The following ASXL3 variants were observed in gnomAD, a reference collection of about 807,000 sequenced individuals.
ASXL3 encodes ASXL transcriptional regulator 3, also known as putative Polycomb group protein ASXL3.
In ASXL3, 34 loss-of-function variants were observed where a neutral mutation model predicts 170.6. That is an observed-to-expected ratio of 0.20 (90% CI 0.15 to 0.27). ASXL3 has a LOEUF of 0.27. Ranked by LOEUF, ASXL3 falls within the 10% of genes least tolerant of loss-of-function variation. The probability of loss-of-function intolerance (pLI) is 1.00; values close to 1 mark genes in which losing one functional copy is unlikely to be tolerated. For synonymous variants in ASXL3, 1,002 were observed against 989.1 expected, an observed-to-expected ratio of 1.01 and a Z score of -0.24; for missense variants, 2,592 against 2,695.3, an observed-to-expected ratio of 0.96 and a Z score of 0.85.
At chr18:33,649,872 T>A (rs1397690517) in intron 4 of ASXL3, among the ~76,000 whole-genome samples, 1 of 152,028 alleles carries the variant, frequency 6.6e-6, no homozygotes, top group East Asian at 1.9e-4. Flanking sequence ...TAGGATACTA[T>A]TATGGGATGT....
intron 4 of ASXL3, among the ~76,000 whole-genome samples, chr18:33,657,844 C>T (rs2145225318): frequency 6.6e-6 from 1 of 152,110 alleles, no homozygotes; most frequent in South Asian, 2.1e-4. Flanking sequence ...GGCAGGCAAG[C>T]AAAATGTAGA....
intron 8 of ASXL3, among the ~76,000 whole-genome samples, chr18:33,702,232 A>C (rs1201494420): frequency 6.6e-6 from 1 of 151,890 alleles, no homozygotes; most frequent in Non-Finnish European, 1.5e-5. Flanking sequence ...TTCTTGTCTG[A>C]TTGTTTTCTA....
chr18:33,633,310 C>A (rs2065708188), intron 2 of ASXL3, among the ~76,000 whole-genome samples: 1 of 151,994 alleles, frequency 6.6e-6, no homozygotes, highest in Admixed American at 6.6e-5. Context: ...GCACTTTTTT[C>A]ATGGATGAAA....
intron 1 of ASXL3, among the ~76,000 whole-genome samples, chr18:33,581,123 CTT>C (rs2064988121): frequency 6.6e-6 from 1 of 151,900 alleles, no homozygotes; most frequent in African/African-American, 2.4e-5. Flanking sequence ...CTTGAATTCT[CTT>C]CTAAACTTGC....
intron 1 of ASXL3, among the ~76,000 whole-genome samples, chr18:33,606,121 A>T (rs2065245436): frequency 6.6e-6 from 1 of 151,524 alleles, no homozygotes; most frequent in Non-Finnish European, 1.5e-5. Flanking sequence ...CAGCTCTATT[A>T]TGCAGTTTCC....
At chr18:33,621,416 T>C (rs2145153065) in intron 2 of ASXL3, among the ~76,000 whole-genome samples, 1 of 152,306 alleles carries the variant, frequency 6.6e-6, no homozygotes, top group South Asian at 2.1e-4. Flanking sequence ...TTCAGTGGGT[T>C]TGGCCATTGA....
At chr18:33,580,945 A>G (rs2064986235) in intron 1 of ASXL3, among the ~76,000 whole-genome samples, 1 of 152,216 alleles carries the variant, frequency 6.6e-6, no homozygotes, top group South Asian at 2.1e-4. Context: ...TACTGGAAAT[A>G]TAATTTTCAG....
At chr18:33,700,296 T>C (rs1177147648) in intron 8 of ASXL3, among the ~76,000 whole-genome samples, 1 of 151,926 alleles carries the variant, frequency 6.6e-6, no homozygotes, top group Non-Finnish European at 1.5e-5. Flanking sequence ...GAATAGGTGG[T>C]TATTGAGGCA....
chr18:33,721,516 T>G, intron 8 of ASXL3, among the ~76,000 whole-genome samples: 1 of 152,150 alleles, frequency 6.6e-6, no homozygotes, highest in Non-Finnish European at 1.5e-5. Context: ...CATACACATA[T>G]CACAAAAGCA....
rs753443864 is a variant in ASXL3 at position 33,746,423 on chromosome 18, A to G, written c.6575A>G (p.Asn2192Ser). The change falls in exon 12 of 12, where the codon AAC becomes AGC. Residue 2192 changes from asparagine (N) to serine (S), a missense_variant. By Grantham distance (46) the Asn-to-Ser change is conservative (BLOSUM62 1). Around this residue, in one of 4 missense-constraint regions of ASXL3, gnomAD observed 2,246 missense variants for 2,219.6 expected, o/e 1.01. Coordinates refer to ENST00000269197, the MANE Select transcript of ASXL3 (RefSeq NM_030632.3). The part of the protein sequence containing the change: ...SNPATGLSGQ[N>S]AQMPVQNFAD... ...CCTGCCACAGGCTTGTCTGGTCAGA[A>G]CGCTCAGATGCCCGTTCAGAACTTT... The G allele has an allele frequency of 6.2e-7, 1 of 1,614,008 alleles. No homozygotes were observed. Among genetic ancestry groups the G allele is most frequent in the South Asian group, 1.1e-5 (1 of 91,080 alleles).
chr18:33,703,584 C>T (rs1367234198), intron 8 of ASXL3, among the ~76,000 whole-genome samples: 4 of 152,098 alleles, frequency 2.6e-5, no homozygotes, highest in African/African-American at 9.7e-5. Context: ...AGAAATGCTG[C>T]GGACCTGCCT....
chr18:33,690,615 A>T (rs62092395), intron 8 of ASXL3, among the ~76,000 whole-genome samples: 2,037 of 152,222 alleles, frequency 0.013, 20 homozygotes, highest in Admixed American at 0.023. Flanking sequence ...ACTAACCCCA[A>T]TGCTAATCTA....
intron 2 of ASXL3, among the ~76,000 whole-genome samples, chr18:33,635,848 A>G (rs113706464): frequency 0.016 from 2,387 of 152,322 alleles, 67 homozygotes; most frequent in African/African-American, 0.054. Flanking sequence ...TTATGTCTAC[A>G]CATCCATGAT....
In ASXL3 at chr18:33,743,432, C is replaced by A; in HGVS notation, c.3584C>A (p.Ala1195Asp). ...AACCCAAGTAAACTTCCAGAAACTG[C>A]CACTGACTTATCTGTGCATAGTTCT... ...SLNPSKLPET[A>D]TDLSVHSSDE... The change falls in exon 12 of 12, where the codon GCC (alanine) becomes GAC (aspartate). Residue 1195 changes from alanine (A) to aspartate (D), a missense_variant. Transcript: ENST00000269197. 6.2e-7 allele frequency: 1 copy of A among 1,613,336 alleles called. No individual in the cohort carries two copies.
chr18:33,678,693 T>C (rs1266424253), intron 7 of ASXL3, among the ~76,000 whole-genome samples: 1 of 152,218 alleles, frequency 6.6e-6, no homozygotes, highest in Non-Finnish European at 1.5e-5. Flanking sequence ...AACGCTAAAA[T>C]GACTACATCT....
intron 1 of ASXL3, among the ~76,000 whole-genome samples, chr18:33,584,880 A>G (rs180764035): frequency 0.043 from 6,538 of 151,484 alleles, 357 homozygotes; most frequent in African/African-American, 0.13. Flanking sequence ...TTGTGTATAT[A>G]TGTGTGTGTG....
At chr18:33,584,885 T>C (rs564620264) in intron 1 of ASXL3, among the ~76,000 whole-genome samples, 1 of 151,998 alleles carries the variant, frequency 6.6e-6, no homozygotes, top group East Asian at 1.9e-4. Context: ...TATATATGTG[T>C]GTGTGTGTAT....
At chr18:33,590,528 C>T (rs1313937192) in intron 1 of ASXL3, among the ~76,000 whole-genome samples, 1 of 152,144 alleles carries the variant, frequency 6.6e-6, no homozygotes, top group East Asian at 1.9e-4. Context: ...GGTGAATTAA[C>T]TTGCTTAGCT....
At chr18:33,722,483 A>G (rs1172395409) in intron 8 of ASXL3, among the ~76,000 whole-genome samples, 1 of 152,156 alleles carries the variant, frequency 6.6e-6, no homozygotes, top group Non-Finnish European at 1.5e-5. Context: ...ATCAGCCACA[A>G]TATTCCTTTA....
Sources: allele counts gnomAD v4.1 joint callset (sites outside exome capture counted in the v4.1 genomes callset), GRCh38; gene constraint gnomAD v4.1.1; regional missense constraint gnomAD v4.1.1; transcripts MANE v1.5; gene names NCBI Gene and HGNC (gene_info 2026-07-23, HGNC 2026-07-21).